The following COL24A1 variants were observed in gnomAD, a reference collection of about 807,000 sequenced individuals.
The protein encoded by COL24A1 is collagen type XXIV alpha 1 chain, also known as collagen alpha-1(XXIV) chain.
Under a neutral mutation model 253.9 loss-of-function variants are expected in COL24A1, and 224 were observed. The ratio of observed to expected loss-of-function variants is 0.88; its 90% CI spans 0.79 to 0.99. The LOEUF (loss-of-function observed/expected upper bound fraction) is 0.99. Among genes scored for constraint, COL24A1 ranks in the 50% least tolerant of loss-of-function variants. COL24A1 has a pLI of 0.00. For missense variants in COL24A1, 2,131 were observed against 2,068.5 expected (o/e 1.03, Z -0.59); for synonymous variants, 685 against 673.7 (o/e 1.02, Z -0.26).
intron 47 of COL24A1, among the ~76,000 whole-genome samples, chr1:85,813,398 G>A (rs1672736611): frequency 6.9e-6 from 1 of 145,866 alleles, no homozygotes; most frequent in Non-Finnish European, 1.5e-5. Flanking sequence ...TAAGGTAAAA[G>A]ACAGAGGGAG....
At chr1:85,919,371 T>C (rs1420417111) in intron 24 of COL24A1, among the ~76,000 whole-genome samples, 1 of 152,162 alleles carries the variant, frequency 6.6e-6, no homozygotes, top group Non-Finnish European at 1.5e-5. Flanking sequence ...AAGAGATAGA[T>C]GGAGCCACAA....
chr1:86,059,434 C>T (rs1433559159), intron 8 of COL24A1, among the ~76,000 whole-genome samples: 1 of 151,928 alleles, frequency 6.6e-6, no homozygotes, highest in Non-Finnish European at 1.5e-5. Context: ...CATACTAAAA[C>T]AGACATTTAT....
At chr1:86,108,621 A>AAAG (rs1705230551) in intron 5 of COL24A1, among the ~76,000 whole-genome samples, 2 of 1,916 alleles carry the variant, frequency 1.0e-3, no homozygotes, top group African/African-American at 2.5e-3. Flanking sequence ...CATCTCTACT[A>AAAG]AAAAAAAAAA....
At chr1:86,153,743 C>T (rs191488248) in intron 1 of COL24A1, among the ~76,000 whole-genome samples, 33 of 152,226 alleles carry the variant, frequency 2.2e-4, no homozygotes, top group African/African-American at 7.0e-4. Flanking sequence ...AATAGAATTT[C>T]GTGCCATCTA....
intron 14 of COL24A1, chr1:86,030,632 T>G (rs56229462): frequency 0.089 from 13,496 of 152,164 alleles, 715 homozygotes; most frequent in Middle Eastern, 0.19. Flanking sequence ...AAGGGACAAA[T>G]GAAGATTTGA....
At chr1:85,945,250 C>T (rs1167506439) in intron 24 of COL24A1, among the ~76,000 whole-genome samples, 1 of 151,364 alleles carries the variant, frequency 6.6e-6, no homozygotes, top group African/African-American at 2.4e-5. Context: ...ATCTCCTGAC[C>T]TCATGATCCG....
rs1012621094 is a variant in COL24A1 at position 86,090,334 on chromosome 1, G to A, written c.1654-1107C>T. Among the ~76,000 whole-genome samples, 8 of 152,024 alleles carry A rather than the reference G, an allele frequency of 5.3e-5. 1 individual carries two copies. The highest frequency in any genetic ancestry group is 2.0e-4 in the Admixed American group (3 of 15,268). On this transcript the variant is annotated intron_variant, in intron 6 of 59. Transcript: ENST00000370571. ...TGATGGTGATGATGATTATGTCAATGTCATCTCACCTGTCTTATGGGAAAG... is the reference window on the plus strand; with the variant it reads ...TGATGGTGATGATGATTATGTCAATATCATCTCACCTGTCTTATGGGAAAG...
intron 7 of COL24A1, among the ~76,000 whole-genome samples, chr1:86,066,126 T>TC (rs1219385323): frequency 6.6e-6 from 1 of 152,042 alleles, no homozygotes; most frequent in Admixed American, 6.5e-5. Flanking sequence ...TCAGACCAAG[T>TC]CATATTACAG....
At chr1:85,993,273 G>T (rs1478253538) in intron 19 of COL24A1, among the ~76,000 whole-genome samples, 1 of 152,080 alleles carries the variant, frequency 6.6e-6, no homozygotes, top group Non-Finnish European at 1.5e-5. Flanking sequence ...AGAAGTGTTA[G>T]AGTATCTGTT....
chr1:86,105,369 C>G (rs1408170399), intron 5 of COL24A1, among the ~76,000 whole-genome samples: 3 of 152,188 alleles, frequency 2.0e-5, no homozygotes, highest in Non-Finnish European at 1.5e-5. Context: ...AGGGAAGGAA[C>G]AGGTCAGCTG....
intron 43 of COL24A1, among the ~76,000 whole-genome samples, chr1:85,834,864 C>G (rs984778512): frequency 6.6e-6 from 1 of 152,134 alleles, no homozygotes; most frequent in African/African-American, 2.4e-5. Flanking sequence ...AGTTTTAGTA[C>G]AGTTTATAGC....
At chr1:85,748,428 A>G (rs888405355) in intron 55 of COL24A1, among the ~76,000 whole-genome samples, 15 of 152,240 alleles carry the variant, frequency 9.9e-5, no homozygotes, top group Non-Finnish European at 2.9e-5. Flanking sequence ...AATCTAGGAG[A>G]CAGCAAAAGT....
rs376009238 is a variant in COL24A1 at position 85,835,256 on chromosome 1, C to T, written c.3681+3329G>A. 2.1e-3 allele frequency among the ~76,000 whole-genome samples: 317 copies of T among 152,196 alleles called. 9 individuals are homozygous for T. The South Asian group carries it at 0.052, about 25-fold the overall frequency. ...AAGTGTTTCTCCTGCCTCAGCCTCCCGAGTAGCTGGGACTACAGGCATGCA... is the reference window on the plus strand; with the variant it reads ...AAGTGTTTCTCCTGCCTCAGCCTCCTGAGTAGCTGGGACTACAGGCATGCA... On this transcript the variant is annotated intron_variant, in intron 43 of 59. Coordinates refer to ENST00000370571, the MANE Select transcript of COL24A1 (RefSeq NM_152890.7).
chr1:86,145,773 T>C (rs964202603), intron 2 of COL24A1, among the ~76,000 whole-genome samples: 2 of 152,084 alleles, frequency 1.3e-5, no homozygotes, highest in Admixed American at 1.3e-4. Flanking sequence ...GCTTTTGTTG[T>C]ATCAAGAAGT....
At chr1:86,086,543 C>T (rs1507281) in intron 7 of COL24A1, among the ~76,000 whole-genome samples, 54,850 of 151,866 alleles carry the variant, frequency 0.36, 10,085 homozygotes, top group Admixed American at 0.45. Context: ...CCAATATATC[C>T]CACCAAAACA....
chr1:86,039,884 C>T (rs12402809), intron 12 of COL24A1, among the ~76,000 whole-genome samples: 19,081 of 152,110 alleles, frequency 0.13, 1,346 homozygotes, highest in Middle Eastern at 0.24. Flanking sequence ...TTTCACCCTT[C>T]TTTTCCTCAC....
rs999865097 is a variant in COL24A1, at chr1:85,878,953, AT to A, written c.2977-1779del. Among the ~76,000 whole-genome samples, 33 of 151,092 alleles carry A rather than the reference AT, an allele frequency of 2.2e-4. No individual in the cohort carries two copies. In the East Asian group the frequency reaches 2.9e-3, roughly 13 times the overall value. On this transcript the variant is annotated intron_variant, in intron 32 of 59. Transcript: ENST00000370571. ...TTTTAAAGAAAATTGTTGAGTTTTAATTTTTTTTTCTATATTTTGGATACAA... is the reference window on the plus strand; with the variant it reads ...TTTTAAAGAAAATTGTTGAGTTTTAATTTTTTTTCTATATTTTGGATACAA...
chr1:85,952,839 T>C (rs573109814), intron 24 of COL24A1, among the ~76,000 whole-genome samples: 1 of 152,352 alleles, frequency 6.6e-6, no homozygotes, highest in South Asian at 2.1e-4. Context: ...TATTCTATAA[T>C]GTTTGTAACT....
Position 85,906,264 on chromosome 1 carries a change from C to CTTTTTTTTTTTTTTTTTTTTTTTT in COL24A1, c.2778+929_2778+930insAAAAAAAAAAAAAAAAAAAAAAAA, listed in dbSNP as rs10526604. ...TTTGCCAACTGGAAAACTGCAAGGT[C>CTTTTTTTTTTTTTTTTTTTTTTTT]TTTTTTTTTTTTTACCATGGTTAGG... On this transcript the variant is annotated intron_variant, in intron 28 of 59. Coordinates refer to ENST00000370571, the MANE Select transcript of COL24A1 (RefSeq NM_152890.7). Among the ~76,000 whole-genome samples the CTTTTTTTTTTTTTTTTTTTTTTTT allele has an allele frequency of 7.8e-3, 608 of 77,814 alleles. 159 individuals are homozygous for CTTTTTTTTTTTTTTTTTTTTTTTT. Among genetic ancestry groups the CTTTTTTTTTTTTTTTTTTTTTTTT allele is most frequent in the African/African-American group, 0.023 (443 of 19,392 alleles). 51.0% of individuals were successfully genotyped at this position (77,814 alleles called of 152,430 possible). A position where few individuals can be genotyped will look rare whatever the true frequency, so the allele number is the denominator to read the frequency against.
Sources: gnomAD v4.1 joint callset for allele counts (sites outside exome capture counted in the v4.1 genomes callset) on GRCh38, gnomAD v4.1.1 for gene constraint, MANE v1.5 for transcripts, NCBI Gene and HGNC (gene_info 2026-07-23, HGNC 2026-07-21) for gene names.